The following WDR7 variants were observed in gnomAD, a reference collection of about 807,000 sequenced individuals.
WDR7 encodes the protein WD repeat-containing protein 7.
WDR7 carries 46 observed loss-of-function variants against 169.4 expected under a neutral mutation model. That is an observed-to-expected ratio of 0.27 (90% CI 0.21 to 0.35). WDR7 has a LOEUF of 0.35. Ranked by LOEUF, WDR7 falls within the 10% of genes least tolerant of loss-of-function variation. The pLI is 1.00. For missense variants in WDR7, 1,534 were observed against 1,859.3 expected (o/e 0.83, Z 3.22); for synonymous variants, 612 against 666.8 (o/e 0.92, Z 1.27).
At chr18:56,955,474 T>C (rs1055613119) in intron 25 of WDR7, among the ~76,000 whole-genome samples, 1 of 152,170 alleles carries the variant, frequency 6.6e-6, no homozygotes, top group Non-Finnish European at 1.5e-5. Context: ...TTTGCAATTA[T>C]TATCAGGTTT....
At chr18:56,882,252 TG>T (rs2046119531) in intron 21 of WDR7, among the ~76,000 whole-genome samples, 2 of 152,360 alleles carry the variant, frequency 1.3e-5, no homozygotes, top group East Asian at 3.9e-4. Context: ...ACTTAACATA[TG>T]TAGAGCAGGT....
chr18:57,022,123 C>T (rs1006027532), intron 27 of WDR7, among the ~76,000 whole-genome samples: 32 of 152,214 alleles, frequency 2.1e-4, no homozygotes, highest in African/African-American at 5.5e-4. Flanking sequence ...GTATCCACAG[C>T]ACTGGTGTTT....
intron 1 of WDR7, among the ~76,000 whole-genome samples, chr18:56,658,917 C>T (rs746504723): frequency 2.2e-4 from 33 of 151,960 alleles, no homozygotes; most frequent in Non-Finnish European, 3.4e-4. Flanking sequence ...GGGGTTTCAC[C>T]ATGTTGGCCA....
intron 18 of WDR7, 81 bp from the exon 19 acceptor site, chr18:56,781,452 A>G (rs2044316510): frequency 1.5e-6 from 2 of 1,344,472 alleles, no homozygotes; most frequent in South Asian, 2.2e-5. Context: ...GCCTTATTTC[A>G]TTATAAATTT....
At chr18:56,785,258 C>T (rs190273680) in intron 19 of WDR7, among the ~76,000 whole-genome samples, 40 of 152,298 alleles carry the variant, frequency 2.6e-4, no homozygotes, top group African/African-American at 7.5e-4. Context: ...CTGAAATCGC[C>T]TCTACCATTG....
At chr18:57,025,529 C>T (rs1240964492) in intron 27 of WDR7, among the ~76,000 whole-genome samples, 1 of 152,104 alleles carries the variant, frequency 6.6e-6, no homozygotes, top group Non-Finnish European at 1.5e-5. Flanking sequence ...AAACAGGAAC[C>T]GAACTTTAAC....
At chr18:56,657,281 C>T (rs930219053) in intron 1 of WDR7, among the ~76,000 whole-genome samples, 25 of 152,010 alleles carry the variant, frequency 1.6e-4, no homozygotes, top group Admixed American at 1.3e-4. Context: ...CCTCAGCCTC[C>T]CTAGTAGCTG....
At chr18:56,902,735 C>T (rs959462714) in intron 21 of WDR7, among the ~76,000 whole-genome samples, 1 of 152,068 alleles carries the variant, frequency 6.6e-6, no homozygotes, top group Non-Finnish European at 1.5e-5. Flanking sequence ...ATTATATAAA[C>T]CAGAGCTCAA....
In WDR7 at chr18:56,804,807, G is replaced by A. The variant is rs533265954; in HGVS notation, c.3191-11224G>A. Among the ~76,000 whole-genome samples, 5 of 152,280 alleles carry A rather than the reference G, an allele frequency of 3.3e-5. 1 individual carries two copies. In the South Asian group the frequency reaches 1.0e-3, roughly 32 times the overall value. ...CATTTTATTTTTCGCAAATGCAAAT[G>A]TACAAAGGAACATCTCTTCATTTAT... On this transcript the variant is annotated intron_variant, in intron 19 of 27. Coordinates refer to ENST00000254442, the MANE Select transcript of WDR7 (RefSeq NM_015285.3).
chr18:56,749,931 T>TAAGC (rs149037613), intron 14 of WDR7, among the ~76,000 whole-genome samples: 10,026 of 151,782 alleles, frequency 0.066, 760 homozygotes, highest in African/African-American at 0.19. Flanking sequence ...ATAATAATGA[T>TAAGC]AAGGATTCAT....
At chr18:56,811,225 T>C (rs1341712779) in intron 19 of WDR7, among the ~76,000 whole-genome samples, 2 of 152,224 alleles carry the variant, frequency 1.3e-5, no homozygotes, top group Non-Finnish European at 2.9e-5. Context: ...TTATGAATAA[T>C]GCTGCTGTGA....
intron 26 of WDR7, among the ~76,000 whole-genome samples, chr18:56,984,657 G>A (rs936690915): frequency 6.6e-6 from 1 of 152,096 alleles, no homozygotes; most frequent in African/African-American, 2.4e-5. Flanking sequence ...AAGTCATTAT[G>A]TCTTAATCCC....
chr18:56,868,589 G>A (rs894125908), intron 20 of WDR7, among the ~76,000 whole-genome samples: 19 of 152,074 alleles, frequency 1.2e-4, no homozygotes, highest in Admixed American at 6.6e-4. Context: ...TGTCTACCCC[G>A]CTATTTTTAT....
chr18:56,907,915 A>T (rs1441664718), intron 21 of WDR7, among the ~76,000 whole-genome samples: 2 of 152,214 alleles, frequency 1.3e-5, no homozygotes, highest in Admixed American at 1.3e-4. Flanking sequence ...ACAAACATGC[A>T]GAACAGCAGC....
At chr18:56,949,329 A>G (rs990888948) in intron 25 of WDR7, among the ~76,000 whole-genome samples, 1 of 152,208 alleles carries the variant, frequency 6.6e-6, no homozygotes, top group Non-Finnish European at 1.5e-5. Context: ...CATTTTAAAA[A>G]TATTGATTTA....
At chr18:56,901,325 T>C (rs1167173974) in intron 21 of WDR7, among the ~76,000 whole-genome samples, 2 of 152,184 alleles carry the variant, frequency 1.3e-5, no homozygotes, top group Admixed American at 6.5e-5. Flanking sequence ...ATCCAGAAAT[T>C]GTTCTCTATT....
intron 21 of WDR7, among the ~76,000 whole-genome samples, chr18:56,898,445 T>C (rs1392593045): frequency 1.3e-5 from 2 of 152,078 alleles, no homozygotes; most frequent in East Asian, 3.9e-4. Flanking sequence ...CCAAGATATG[T>C]ATCAGTTGCA....
At chr18:56,962,162 G>A (rs944899764) in intron 25 of WDR7, among the ~76,000 whole-genome samples, 3 of 151,452 alleles carry the variant, frequency 2.0e-5, no homozygotes, top group South Asian at 2.1e-4. Context: ...AAATTCAAGG[G>A]TGCTTGTGAT....
intron 14 of WDR7, among the ~76,000 whole-genome samples, chr18:56,745,394 G>A (rs1232577625): frequency 6.6e-6 from 1 of 152,154 alleles, no homozygotes; most frequent in South Asian, 2.1e-4. Flanking sequence ...AGAACAGCAC[G>A]CCCCAACCTT....
Sources: allele counts gnomAD v4.1 joint callset (sites outside exome capture counted in the v4.1 genomes callset), GRCh38; gene constraint gnomAD v4.1.1; transcripts MANE v1.5; gene names NCBI Gene and HGNC (gene_info 2026-07-23, HGNC 2026-07-21).